ST3GAL3: variants seen among roughly 807,000 people sequenced by gnomAD.
ST3GAL3 encodes CMP-N-acetylneuraminate-beta-1,4-galactoside alpha-2,3-sialyltransferase.
A neutral mutation model predicts 50.1 loss-of-function variants in ST3GAL3; 21 were observed. The ratio of observed to expected loss-of-function variants is 0.42; its 90% CI spans 0.30 to 0.60. ST3GAL3 has a LOEUF of 0.60. ST3GAL3 is among the 20% of genes least tolerant of loss of function. ST3GAL3 has a pLI of 0.19. For synonymous variants in ST3GAL3, 183 were observed against 190.0 expected (o/e 0.96, Z 0.30); for missense variants, 353 against 489.4 (o/e 0.72, Z 2.63).
Position 43,920,454 on chromosome 1 carries a change from G to T in ST3GAL3, c.795G>T (p.Glu265Asp), listed in dbSNP as rs776547364. The T allele has an allele frequency of 6.2e-7, 1 of 1,614,148 alleles. No homozygotes were observed. The highest frequency in any genetic ancestry group is 1.1e-5 in the South Asian group (1 of 91,084). ...CTGTGGCCACTCGAGTGCCCAAGGA[G>T]CCCCCTGAGATTCGAATCCTCAACC... ...WKSVATRVPKEPPEIRILNPY... is the reference protein window; with the variant it reads ...WKSVATRVPKDPPEIRILNPY... Residue 265 changes from glutamate to aspartate, a missense_variant, in exon 10 of 12, where the codon GAG becomes GAT. By Grantham distance (45) the Glu-to-Asp change is conservative. Coordinates refer to ENST00000347631, the MANE Select transcript of ST3GAL3 (RefSeq NM_006279.5).
At chr1:43,900,519 C>A (rs1367802098) in intron 9 of ST3GAL3, among the ~76,000 whole-genome samples, 1 of 151,794 alleles carries the variant, frequency 6.6e-6, no homozygotes, top group Non-Finnish European at 1.5e-5. Context: ...TGTCCAGGCC[C>A]ACTCCCCCAC....
intron 7 of ST3GAL3, chr1:43,898,583 C>T: frequency 1.9e-6 from 1 of 521,166 alleles, no homozygotes; most frequent in Non-Finnish European, 3.5e-6. Flanking sequence ...AGCAATGGGA[C>T]TGAGGGCCTG....
intron 9 of ST3GAL3, among the ~76,000 whole-genome samples, chr1:43,904,265 A>T (rs1005997892): frequency 6.6e-6 from 1 of 152,078 alleles, no homozygotes; most frequent in Admixed American, 6.5e-5. Context: ...TGGGGATTGA[A>T]TGATGTCCAC....
intron 11 of ST3GAL3, chr1:43,922,271 G>A (rs1279889105): frequency 6.6e-6 from 1 of 152,282 alleles, no homozygotes; most frequent in Admixed American, 6.5e-5. Context: ...GGAGGCCAAG[G>A]TGGGCGGATC....
intron 2 of ST3GAL3, among the ~76,000 whole-genome samples, chr1:43,756,535 A>G (rs542748066): frequency 1.8e-3 from 213 of 118,948 alleles, no homozygotes; most frequent in Non-Finnish European, 2.7e-3. Flanking sequence ...CATAAACTAT[A>G]TATGTATTGT....
intron 2 of ST3GAL3, chr1:43,736,828 A>G (rs983935214): frequency 1.5e-5 from 4 of 270,186 alleles, no homozygotes; most frequent in Non-Finnish European, 2.9e-5. Flanking sequence ...TGTTTTCCCT[A>G]AAGAAACGTT....
chr1:43,817,380 CCTT>C (rs66470010), intron 4 of ST3GAL3, among the ~76,000 whole-genome samples: 58,135 of 142,612 alleles, frequency 0.41, 11,783 homozygotes, highest in East Asian at 0.6. Flanking sequence ...TCCTTCTTCT[CCTT>C]CTTCTTCTCC....
At chr1:43,754,394 G>A (rs983371506) in intron 2 of ST3GAL3, among the ~76,000 whole-genome samples, 1 of 152,116 alleles carries the variant, frequency 6.6e-6, no homozygotes, top group African/African-American at 2.4e-5. Context: ...GTTTCACCGC[G>A]TTAGCCAGGC....
chr1:43,909,013 T>C (rs896097266), intron 9 of ST3GAL3, among the ~76,000 whole-genome samples: 7 of 152,364 alleles, frequency 4.6e-5, no homozygotes, highest in African/African-American at 7.2e-5. Context: ...CTCTATGTTC[T>C]ACCTGTTTCC....
intron 4 of ST3GAL3, among the ~76,000 whole-genome samples, chr1:43,830,029 A>G (rs1478358667): frequency 1.5e-5 from 1 of 66,766 alleles, no homozygotes; most frequent in Non-Finnish European, 2.8e-5. Context: ...TTTTTTTGAG[A>G]CAGGGTCTTG....
chr1:43,709,015 G>A (rs1663120999), intron 1 of ST3GAL3, among the ~76,000 whole-genome samples: 1 of 152,198 alleles, frequency 6.6e-6, no homozygotes, highest in Admixed American at 6.5e-5. Flanking sequence ...ATTCCAAGAT[G>A]GTAGGTACTC....
intron 5 of ST3GAL3, among the ~76,000 whole-genome samples, chr1:43,886,781 A>G (rs929049957): frequency 6.6e-6 from 1 of 152,214 alleles, no homozygotes; most frequent in Non-Finnish European, 1.5e-5. Flanking sequence ...AACTTTTGCC[A>G]TGAAAGGATG....
intron 2 of ST3GAL3, among the ~76,000 whole-genome samples, chr1:43,768,066 C>A (rs537438906): frequency 5.9e-5 from 9 of 151,990 alleles, no homozygotes; most frequent in African/African-American, 2.2e-4. Context: ...AGAGGATCAA[C>A]AAAGTCAAAA....
chr1:43,856,992 C>A (rs757576957), intron 5 of ST3GAL3, among the ~76,000 whole-genome samples: 32 of 152,036 alleles, frequency 2.1e-4, no homozygotes, highest in Non-Finnish European at 8.8e-5. Flanking sequence ...CCCACACTTG[C>A]TTGCAAAGGT....
At chr1:43,870,466 T>G (rs1186973491) in intron 5 of ST3GAL3, among the ~76,000 whole-genome samples, 3 of 152,192 alleles carry the variant, frequency 2.0e-5, no homozygotes, top group African/African-American at 7.2e-5. Flanking sequence ...GAGCACAGGC[T>G]TCCCAGAAGG....
intron 5 of ST3GAL3, among the ~76,000 whole-genome samples, chr1:43,885,235 T>C (rs887353259): frequency 2.0e-4 from 31 of 152,146 alleles, no homozygotes; most frequent in Admixed American, 2.0e-3. Context: ...TGAGGTTCCA[T>C]CTATGCTGTG....
At chr1:43,812,604 G>A (rs991543831) in intron 3 of ST3GAL3, among the ~76,000 whole-genome samples, 3 of 152,210 alleles carry the variant, frequency 2.0e-5, no homozygotes, top group Admixed American at 6.5e-5. Context: ...TGGGACTACA[G>A]GTGTGCAACA....
chr1:43,894,569 G>T, intron 6 of ST3GAL3, 92 bp downstream of exon 6: 1 of 1,121,456 alleles, frequency 8.9e-7, no homozygotes, highest in Non-Finnish European at 1.4e-6. Flanking sequence ...AAGTCCCCAT[G>T]CTGAGAATCC....
intron 3 of ST3GAL3, among the ~76,000 whole-genome samples, chr1:43,803,095 T>C (rs1033443434): frequency 1.3e-5 from 2 of 152,018 alleles, no homozygotes; most frequent in Non-Finnish European, 2.9e-5. Flanking sequence ...CTGGCTAATT[T>C]TTGTATTTTT....
Sources: allele counts gnomAD v4.1 joint callset (sites outside exome capture counted in the v4.1 genomes callset), GRCh38; gene constraint gnomAD v4.1.1; transcripts MANE v1.5; gene names NCBI Gene and HGNC (gene_info 2026-07-23, HGNC 2026-07-21).